Variants in EP300 observed in about 807,000 individuals in gnomAD.
The protein encoded by EP300 is EP300 lysine acetyltransferase.
In EP300, 31 loss-of-function variants were observed where a neutral mutation model predicts 264.0. The observed-to-expected ratio is 0.12, with a 90% CI of 0.09 to 0.16. The LOEUF is 0.16. Ranked by LOEUF, EP300 falls within the 10% of genes least tolerant of loss-of-function variation. The probability of loss-of-function intolerance (pLI) is 1.00; values close to 1 mark genes in which losing one functional copy is unlikely to be tolerated. For missense variants in EP300, 2,766 were observed against 3,052.9 expected, an observed-to-expected ratio of 0.91 and a Z score of 2.21; for synonymous variants, 1,340 against 1,045.4, an observed-to-expected ratio of 1.28 and a Z score of -5.44.
chr22:41,109,460 C>T (rs564662010), intron 1 of EP300, among the ~76,000 whole-genome samples: 129 of 152,088 alleles, frequency 8.5e-4, no homozygotes, highest in Non-Finnish European at 1.6e-3. Context: ...TGAGAATAAA[C>T]GTGAGGTGCC....
chr22:41,119,325 T>C (rs2058839751), intron 2 of EP300, among the ~76,000 whole-genome samples: 1 of 151,958 alleles, frequency 6.6e-6, no homozygotes, highest in African/African-American at 2.4e-5. Context: ...ACCCATCCTC[T>C]GACACTTTTA....
chr22:41,161,974 G>A (rs1009711177), intron 20 of EP300, among the ~76,000 whole-genome samples: 6 of 152,312 alleles, frequency 3.9e-5, no homozygotes, highest in Middle Eastern at 3.4e-3. Context: ...AGGAAGAGAC[G>A]TAAGCCTTGT....
Position 41,149,110 on chromosome 22 carries a change from T to C in EP300, c.2314T>C (p.Ser772Pro), listed in dbSNP as rs2145735978. 1.2e-6 allele frequency: 2 copies of C among 1,613,326 alleles called. No individual in the cohort carries two copies. Residue 772 changes from serine (S) to proline (P), a missense_variant, in exon 13 of 31, where the codon TCA becomes CCA. Coordinates refer to ENST00000263253, the MANE Select transcript of EP300 (RefSeq NM_001429.4). ...GTTCCTTCCTCAGACTCAGTTCCCA[T>C]CACAGGGAATGAATGTAACAAATAT... is the stretch of plus-strand genomic sequence containing the variant. ...GQFLPQTQFP[S>P]QGMNVTNIPL...
At chr22:41,146,882 T>C (rs2059013963) in intron 11 of EP300, 66 bp downstream of exon 11, 7 of 1,358,702 alleles carry the variant, frequency 5.2e-6, no homozygotes, top group Non-Finnish European at 6.2e-6. Context: ...TAATACTTGC[T>C]ACCTGAACAC....
intron 1 of EP300, among the ~76,000 whole-genome samples, chr22:41,095,294 C>T (rs2058696255): frequency 7.8e-6 from 1 of 127,598 alleles, no homozygotes; most frequent in African/African-American, 3.0e-5. Context: ...GGCTGGAGTG[C>T]AGTGGTGCGA....
chr22:41,155,398 G>A (rs980586796), intron 17 of EP300, among the ~76,000 whole-genome samples: 1 of 151,890 alleles, frequency 6.6e-6, no homozygotes, highest in Non-Finnish European at 1.5e-5. Flanking sequence ...CACCTGGCTA[G>A]TTTTTTGTAT....
chr22:41,179,082 T>C lies in EP300; in HGVS notation c.*126T>C. 9.2e-7 allele frequency: 1 copy of C among 1,083,698 alleles called. No individual in the cohort carries two copies. The highest frequency in any genetic ancestry group is 1.3e-6 in the Non-Finnish European group (1 of 751,334). The allele number at this position is 1,083,698 out of a possible 1,614,324, so 67.1% of individuals were successfully genotyped here. ...AATTTTCCTTGGAACACATAAGAAC[T>C]GTGCAGTAGCCGTTTGTGGTTTAAA... On this transcript the variant is annotated 3_prime_UTR_variant, in exon 31 of 31. Coordinates refer to ENST00000263253, the MANE Select transcript of EP300 (RefSeq NM_001429.4).
chr22:41,163,940 T>C, intron 21 of EP300, 113 bp from the exon 22 acceptor site: 1 of 975,186 alleles, frequency 1.0e-6, no homozygotes, highest in Non-Finnish European at 1.7e-6. Context: ...AAAACTATTT[T>C]CAGTTCTTTG....
At chr22:41,126,906 G>A (rs371993436) in intron 3 of EP300, among the ~76,000 whole-genome samples, 2 of 151,434 alleles carry the variant, frequency 1.3e-5, no homozygotes, top group South Asian at 2.1e-4. Flanking sequence ...CATCATGCCC[G>A]GCTAACTTTG....
chr22:41,121,255 TTAGG>T (rs1601600778), intron 2 of EP300, among the ~76,000 whole-genome samples: 1 of 152,178 alleles, frequency 6.6e-6, no homozygotes, highest in East Asian at 1.9e-4. Context: ...CCTTTTTAGT[TTAGG>T]TAGCTATTTG....
At chr22:41,158,377 C>T (rs1404428516) in intron 18 of EP300, 35 bp from the exon 19 acceptor site, 5 of 1,577,078 alleles carry the variant, frequency 3.2e-6, no homozygotes, top group South Asian at 2.2e-5. Context: ...GTCCTTAAGG[C>T]CTCTGTGCTT....
In EP300 at chr22:41,173,601, TCTC is replaced by T; in HGVS notation, c.4618-19_4618-17del. 6.2e-7 allele frequency: 1 copy of T among 1,613,574 alleles called. No homozygotes were observed. Among genetic ancestry groups the T allele is most frequent in the Non-Finnish European group, 8.5e-7 (1 of 1,179,756 alleles). ...ACTTAACAAAAACCTTATTTTCTTG[TCTC>T]CTTTGTGCTACTCTGCAGGTGACCA... On this transcript the variant is annotated intron_variant, in intron 28 of 30. Transcript: ENST00000263253.
intron 16 of EP300, among the ~76,000 whole-genome samples, chr22:41,154,167 A>C (rs185071986): frequency 6.6e-6 from 1 of 152,134 alleles, no homozygotes; most frequent in African/African-American, 2.4e-5. Context: ...ATTTGTCATT[A>C]AAATAGTACA....
chr22:41,138,869 A>G (rs1202871667), intron 8 of EP300, among the ~76,000 whole-genome samples: 2 of 152,114 alleles, frequency 1.3e-5, no homozygotes, highest in Non-Finnish European at 2.9e-5. Context: ...CAAACTACCA[A>G]TTATATACGT....
chr22:41,168,926 G>T (rs2059155075), intron 25 of EP300, 59 bp downstream of exon 25: 1 of 1,608,786 alleles, frequency 6.2e-7, no homozygotes, highest in African/African-American at 1.3e-5. Flanking sequence ...ACTTATAATA[G>T]GTGGAAAAGC....
chr22:41,118,603 G>T (rs1229288743), intron 2 of EP300, among the ~76,000 whole-genome samples: 1 of 152,226 alleles, frequency 6.6e-6, no homozygotes, highest in Non-Finnish European at 1.5e-5. Context: ...TTTTCACAAG[G>T]AGTCAAGAGC....
At chr22:41,126,963 C>T (rs1026612337) in intron 3 of EP300, among the ~76,000 whole-genome samples, 5 of 151,878 alleles carry the variant, frequency 3.3e-5, no homozygotes, top group Non-Finnish European at 7.4e-5. Flanking sequence ...AGGCTGATCT[C>T]GAACTCCCGA....
chr22:41,152,243 C>T lies in EP300; in HGVS notation c.3035C>T (p.Thr1012Ile), dbSNP rs1158151813. The stretch of plus-strand genomic sequence containing the variant: ...GACTGTAAAATGGAATCTACCGAAA[C>T]AGAAGAGAGAAGCACTGAGTTAAAA... ...VEDCKMESTE[T>I]EERSTELKTE... Residue 1012 changes from threonine (T) to isoleucine (I), a missense_variant, in exon 16 of 31, where the codon ACA becomes ATA. By Grantham distance (89) the Thr-to-Ile change is moderately conservative. Transcript: ENST00000263253. The T allele has an allele frequency of 1.5e-5, 24 of 1,614,018 alleles. No homozygotes were observed. Among genetic ancestry groups the T allele is most frequent in the Non-Finnish European group, 2.0e-5 (24 of 1,179,996 alleles).
At chr22:41,145,628 T>A (rs548691485) in intron 10 of EP300, among the ~76,000 whole-genome samples, 58 of 152,352 alleles carry the variant, frequency 3.8e-4, no homozygotes, top group African/African-American at 1.4e-3. Context: ...GTATTTATAT[T>A]TTAGGTTTTT....
Sources: gnomAD v4.1 joint callset for allele counts (sites outside exome capture counted in the v4.1 genomes callset) on GRCh38, gnomAD v4.1.1 for gene constraint, MANE v1.5 for transcripts, NCBI Gene and HGNC (gene_info 2026-07-23, HGNC 2026-07-21) for gene names.